KAZN: variants seen among roughly 807,000 people sequenced by gnomAD.
KAZN encodes kazrin, periplakin interacting protein, also known as kazrin.
A neutral mutation model predicts 87.4 loss-of-function variants in KAZN; 40 were observed. The ratio of observed to expected loss-of-function variants is 0.46; its 90% CI spans 0.36 to 0.60. The LOEUF (loss-of-function observed/expected upper bound fraction) is 0.60. KAZN is among the 20% of genes least tolerant of loss of function. The probability of loss-of-function intolerance (pLI) is 0.00; values close to 1 mark genes in which losing one functional copy is unlikely to be tolerated. For synonymous variants in KAZN, 466 were observed against 458.3 expected (o/e 1.02, Z -0.22); for missense variants, 898 against 1,073.9 (o/e 0.84, Z 2.29).
Position 14,706,399 on chromosome 1 carries a change from C to T in KAZN, c.226+107176C>T, listed in dbSNP as rs186592012. On this transcript the variant is annotated intron_variant, in intron 1 of 14. Coordinates refer to ENST00000376030, the MANE Select transcript of KAZN (RefSeq NM_201628.3). ...TCCTGGTGCCAAAAACGTTGGGGAC[C>T]GCTGTTCTGCACCACTGTAGGATGA... Among the ~76,000 whole-genome samples, 58 of 151,898 alleles carry T rather than the reference C, an allele frequency of 3.8e-4. 3 individuals are homozygous for T. Among genetic ancestry groups the T allele is most frequent in the Admixed American group, 3.3e-3 (51 of 15,230 alleles).
chr1:15,088,889 C>A (rs1003260365), intron 8 of KAZN, among the ~76,000 whole-genome samples: 1 of 152,062 alleles, frequency 6.6e-6, no homozygotes. Flanking sequence ...AGGGCCTGGA[C>A]TCCATAAATA....
chr1:14,180,673 C>A, intron 2 of KAZN: 1 of 1,134,840 alleles, frequency 8.8e-7, no homozygotes, highest in Non-Finnish European at 1.2e-6. Flanking sequence ...CAAAAATGTT[C>A]AACTACCACA....
At chr1:14,257,031 T>C (rs1052024769) in intron 2 of KAZN, among the ~76,000 whole-genome samples, 2 of 152,292 alleles carry the variant, frequency 1.3e-5, no homozygotes, top group South Asian at 4.1e-4. Context: ...GCTGTAACAA[T>C]GTTTAATTAC....
chr1:14,818,663 G>A (rs1646645189), intron 1 of KAZN, among the ~76,000 whole-genome samples: 1 of 152,206 alleles, frequency 6.6e-6, no homozygotes, highest in Non-Finnish European at 1.5e-5. Context: ...CCCAAATGGA[G>A]GCCAAAACTC....
chr1:14,268,471 T>TAAA (rs70997129), intron 2 of KAZN, among the ~76,000 whole-genome samples: 24,311 of 140,368 alleles, frequency 0.17, 2,297 homozygotes, highest in Middle Eastern at 0.3. Flanking sequence ...GACACTGTGT[T>TAAA]AAAAAAAAAA....
chr1:14,891,913 C>G (rs1202576843), intron 1 of KAZN, among the ~76,000 whole-genome samples: 1 of 152,030 alleles, frequency 6.6e-6, no homozygotes. Context: ...CCATGAGCCT[C>G]CGTTAGTCGG....
At chr1:14,194,813 G>C (rs1646493219) in intron 2 of KAZN, among the ~76,000 whole-genome samples, 1 of 152,142 alleles carries the variant, frequency 6.6e-6, no homozygotes, top group Non-Finnish European at 1.5e-5. Context: ...CCACTTTCTA[G>C]AGGAGTGAAT....
At chr1:14,224,669 T>C (rs1647201395) in intron 2 of KAZN, among the ~76,000 whole-genome samples, 1 of 152,088 alleles carries the variant, frequency 6.6e-6, no homozygotes, top group Admixed American at 6.6e-5. Context: ...GGGATGGCTG[T>C]AGGGATGCCT....
At chr1:14,505,660 A>T (rs1388110797) in intron 2 of KAZN, among the ~76,000 whole-genome samples, 1 of 152,146 alleles carries the variant, frequency 6.6e-6, no homozygotes, top group African/African-American at 2.4e-5. Flanking sequence ...TTTCATGCAC[A>T]AGGAGTTTCA....
chr1:13,931,776 T>C (rs1254983580), intron 1 of KAZN, among the ~76,000 whole-genome samples: 1 of 152,142 alleles, frequency 6.6e-6, no homozygotes, highest in Non-Finnish European at 1.5e-5. Flanking sequence ...ATGATGCAAA[T>C]ACTCATAATT....
chr1:14,618,906 T>C (rs1002622196), intron 1 of KAZN, among the ~76,000 whole-genome samples: 10 of 152,154 alleles, frequency 6.6e-5, no homozygotes, highest in African/African-American at 2.4e-4. Context: ...TGAGTGGAAG[T>C]CTGGAAGGGC....
chr1:14,686,625 G>A (rs184743674), intron 1 of KAZN, among the ~76,000 whole-genome samples: 58 of 152,346 alleles, frequency 3.8e-4, no homozygotes, highest in Middle Eastern at 3.4e-3. Context: ...TGGCAAAAGC[G>A]ACCTAGCAGA....
intron 2 of KAZN, among the ~76,000 whole-genome samples, chr1:14,551,499 G>C (rs1458926473): frequency 6.6e-6 from 1 of 152,138 alleles, no homozygotes; most frequent in Non-Finnish European, 1.5e-5. Context: ...CACCGGGCCT[G>C]GTACAAAAGC....
At chr1:14,620,103 C>T (rs1678576692) in intron 1 of KAZN, among the ~76,000 whole-genome samples, 1 of 152,170 alleles carries the variant, frequency 6.6e-6, no homozygotes, top group South Asian at 2.1e-4. Context: ...TACAGTTACC[C>T]ATCTGTACAA....
chr1:14,306,982 C>T (rs906098921), intron 2 of KAZN, among the ~76,000 whole-genome samples: 2 of 152,138 alleles, frequency 1.3e-5, no homozygotes, highest in East Asian at 1.9e-4. Context: ...TCATGAGTGA[C>T]GTCCAATTCT....
At chr1:14,654,948 T>G (rs1638693990) in intron 1 of KAZN, among the ~76,000 whole-genome samples, 2 of 152,338 alleles carry the variant, frequency 1.3e-5, no homozygotes, top group South Asian at 4.1e-4. Flanking sequence ...GTTCATTTTG[T>G]TGAACAAGAG....
At chr1:14,630,979 C>T (rs925999376) in intron 1 of KAZN, among the ~76,000 whole-genome samples, 6 of 152,134 alleles carry the variant, frequency 3.9e-5, no homozygotes, top group Admixed American at 6.5e-5. Context: ...AACTAGTATA[C>T]GTTGATTACC....
chr1:14,664,554 G>A (rs1639397736), intron 1 of KAZN, among the ~76,000 whole-genome samples: 1 of 152,106 alleles, frequency 6.6e-6, no homozygotes, highest in Non-Finnish European at 1.5e-5. Flanking sequence ...GAATCTTCTA[G>A]TAAGCTCGTT....
At chr1:15,061,204 G>T (rs554650034) in intron 6 of KAZN, 1 of 152,350 alleles carries the variant, frequency 6.6e-6, no homozygotes, top group African/African-American at 2.4e-5. Flanking sequence ...GAACTCAAGA[G>T]AATAACTTGA....
Sources: allele counts gnomAD v4.1 joint callset (sites outside exome capture counted in the v4.1 genomes callset), GRCh38; gene constraint gnomAD v4.1.1; transcripts MANE v1.5; gene names NCBI Gene and HGNC (gene_info 2026-07-23, HGNC 2026-07-21).